SERINC3: variants seen among roughly 807,000 people sequenced by gnomAD.
SERINC3 encodes the protein tumor differentially expressed protein 1.
A neutral mutation model predicts 52.1 loss-of-function variants in SERINC3; 22 were observed. The ratio of observed to expected loss-of-function variants is 0.42; its 90% CI spans 0.30 to 0.60. The LOEUF (loss-of-function observed/expected upper bound fraction) is 0.60. Ranked by LOEUF, SERINC3 falls within the 20% of genes least tolerant of loss-of-function variation. The pLI, the probability that SERINC3 is intolerant of heterozygous loss-of-function variation, is 0.16. For missense variants in SERINC3, 564 were observed against 584.6 expected (o/e 0.96, Z 0.36); for synonymous variants, 226 against 212.7 (o/e 1.06, Z -0.54).
intron 9 of SERINC3, 70 bp downstream of exon 9, chr20:44,501,003 C>A (rs886227296): frequency 3.5e-6 from 4 of 1,136,764 alleles, no homozygotes; most frequent in African/African-American, 1.5e-5. Context: ...GAGGTCAGGA[C>A]AATGGATGAG....
chr20:44,510,067 G>A, intron 4 of SERINC3, 39 bp from the exon 5 acceptor site: 1 of 1,597,528 alleles, frequency 6.3e-7, no homozygotes, highest in East Asian at 2.2e-5. Context: ...CTCTACCATA[G>A]AGTAACATTT....
At position 44,506,954 on chromosome 20, in the gene SERINC3, A is replaced by G; in HGVS notation, c.656T>C (p.Ile219Thr). Reference sequence around the variant, plus strand: ...ATATGTATAGAGCAGCCCGACACAGATGATTGACAGGATATAAAAGGCGCT... The same window carrying G: ...ATATGTATAGAGCAGCCCGACACAGGTGATTGACAGGATATAAAAGGCGCT... Reference protein sequence around the residue: ...FTSAFYILSIICVGLLYTYYT... With the variant: ...FTSAFYILSITCVGLLYTYYT... The change falls in exon 6 of 10, where the codon ATC becomes ACC. Residue 219 changes from isoleucine to threonine, a missense_variant. Transcript: ENST00000342374. 6.2e-7 allele frequency: 1 copy of G among 1,608,024 alleles called. No individual in the cohort carries two copies. Among genetic ancestry groups the G allele is most frequent in the Admixed American group, 1.7e-5 (1 of 58,610 alleles).
Position 44,500,281 on chromosome 20 carries a change from T to C in SERINC3, c.*15A>G. ...ACCTTTGTGAGTTCCAGTGGTGTCC[T>C]TGGCACTCAGAGGTTCAGCTGAAGT... On this transcript the variant is annotated 3_prime_UTR_variant, in exon 10 of 10. Coordinates refer to ENST00000342374, the MANE Select transcript of SERINC3 (RefSeq NM_006811.4). 6.2e-7 allele frequency: 1 copy of C among 1,609,730 alleles called. No individual in the cohort carries two copies. Among genetic ancestry groups the C allele is most frequent in the Non-Finnish European group, 8.5e-7 (1 of 1,177,738 alleles).
At chr20:44,510,641 G>A (rs529020727) in intron 4 of SERINC3, among the ~76,000 whole-genome samples, 33 of 152,104 alleles carry the variant, frequency 2.2e-4, no homozygotes, top group Admixed American at 1.9e-3. Context: ...GTGAAACCCC[G>A]TCTCTGCCTA....
At chr20:44,514,376 G>A (rs1479109677) in intron 1 of SERINC3, among the ~76,000 whole-genome samples, 1 of 152,156 alleles carries the variant, frequency 6.6e-6, no homozygotes, top group African/African-American at 2.4e-5. Context: ...TATTCTGAGA[G>A]CATCATTTGT....
At chr20:44,509,837 T>A in intron 5 of SERINC3, 54 bp downstream of exon 5, 3 of 1,577,506 alleles carry the variant, frequency 1.9e-6, no homozygotes, top group Non-Finnish European at 2.6e-6. Context: ...ATTTTTATTG[T>A]ACACCGTGCT....
Position 44,502,266 on chromosome 20 carries a change from C to A in SERINC3, c.1056-966G>T, listed in dbSNP as rs192688905. 6.6e-5 allele frequency among the ~76,000 whole-genome samples: 10 copies of A among 152,284 alleles called. No homozygotes were observed. The East Asian group carries it at 1.9e-3, about 29-fold the overall frequency. ...CTATTAGAACCAATAAATAAGTTCA[C>A]CAAAGTTGCAGGATACAAGATCAAT... On this transcript the variant is annotated intron_variant, in intron 8 of 9. Transcript: ENST00000342374.
intron 5 of SERINC3, among the ~76,000 whole-genome samples, chr20:44,507,614 T>A (rs1289110366): frequency 6.6e-6 from 1 of 152,260 alleles, no homozygotes; most frequent in Non-Finnish European, 1.5e-5. Context: ...CTCATGCCTG[T>A]AATCCCAGCA....
At chr20:44,521,864 T>C (rs1241102841) in intron 1 of SERINC3, 49 bp downstream of exon 1, 3 of 1,573,692 alleles carry the variant, frequency 1.9e-6, no homozygotes, top group Admixed American at 3.6e-5. Context: ...TCTCGAGGCC[T>C]TTCCCCGCAA....
rs920152663 is a variant in SERINC3 at position 44,499,729 on chromosome 20, A to T, written c.*567T>A. On this transcript the variant is annotated 3_prime_UTR_variant, in exon 10 of 10. Transcript: ENST00000342374. ...AAAAAAGTAAATTAAAAAACTCAAG[A>T]TGTAGAAGCAGTAGCCATATCAGCA... 5 of 152,452 alleles carry T rather than the reference A, an allele frequency of 3.3e-5. No individual in the cohort carries two copies. Among genetic ancestry groups the T allele is most frequent in the African/African-American group, 9.6e-5 (4 of 41,552 alleles). The allele number at this position is 152,452 out of a possible 1,614,324, so 9.4% of individuals were successfully genotyped here.
At chr20:44,514,093 T>C in intron 1 of SERINC3, 53 bp from the exon 2 acceptor site, 1 of 1,539,356 alleles carries the variant, frequency 6.5e-7, no homozygotes, top group Non-Finnish European at 8.8e-7. Flanking sequence ...TACTCCTTTA[T>C]GACACAGATG....
At chr20:44,513,741 G>A (rs112098134) in intron 2 of SERINC3, 138 bp downstream of exon 2, 2 of 639,552 alleles carry the variant, frequency 3.1e-6, no homozygotes, top group African/African-American at 1.9e-5. Context: ...ATATTTCTGT[G>A]TTTTGACCAC....
rs1342810574 is a variant in SERINC3 at position 44,514,035 on chromosome 20, T to C, written c.45A>G (p.Pro15=). Residue 15 remains proline, a synonymous_variant, in exon 2 of 10, where the codon CCA becomes CCG. Transcript: ENST00000342374. ...LGVFSLASWV[P]CLCSGASCLL... ...AACATGAGGCACCGCTGCAGAGGCATGGAACCTGGAATGAGCACACCATGG... is the reference window on the plus strand; with the variant it reads ...AACATGAGGCACCGCTGCAGAGGCACGGAACCTGGAATGAGCACACCATGG... 2 of 1,613,702 alleles carry C rather than the reference T, an allele frequency of 1.2e-6. No individual in the cohort carries two copies. Among genetic ancestry groups the C allele is most frequent in the African/African-American group, 1.3e-5 (1 of 74,886 alleles).
intron 1 of SERINC3, among the ~76,000 whole-genome samples, chr20:44,519,723 C>T (rs2064403648): frequency 6.6e-6 from 1 of 151,730 alleles, no homozygotes; most frequent in Admixed American, 6.6e-5. Context: ...GAGTTCAAGG[C>T]TGCAGTGAGC....
chr20:44,503,601 T>C (rs1439680905), intron 8 of SERINC3, among the ~76,000 whole-genome samples: 3 of 152,152 alleles, frequency 2.0e-5, no homozygotes, highest in African/African-American at 7.2e-5. Flanking sequence ...TGAGCTGAGA[T>C]CCTGCCACTG....
chr20:44,513,652 C>A (rs2064362162), intron 2 of SERINC3, among the ~76,000 whole-genome samples: 1 of 152,028 alleles, frequency 6.6e-6, no homozygotes, highest in African/African-American at 2.4e-5. Flanking sequence ...TTGGAGCCAC[C>A]CTTTTAATGT....
chr20:44,514,520 G>A (rs1283398796), intron 1 of SERINC3, among the ~76,000 whole-genome samples: 14 of 152,206 alleles, frequency 9.2e-5, no homozygotes, highest in African/African-American at 3.1e-4. Context: ...AGCACTTTGG[G>A]AGGCCGAGGC....
Position 44,501,297 on chromosome 20 carries a change from G to T in SERINC3, c.1059C>A (p.Ile353=). 6.2e-7 allele frequency: 1 copy of T among 1,613,766 alleles called. No individual in the cohort carries two copies. Among genetic ancestry groups the T allele is most frequent in the South Asian group, 1.1e-5 (1 of 91,036 alleles). ...VFVLCLLYSS[I]RTSTNSQVDK... is the part of the protein sequence containing the mutation. ...CTACTTGGCTATTAGTGGAAGTGCG[G>T]ATGCTGGAAAGTGATCCCAAGGAAG... Residue 353 remains isoleucine (I), a synonymous_variant, in exon 9 of 10, where the codon ATC becomes ATA. Transcript: ENST00000342374.
At chr20:44,512,497 G>A (rs533474372) in intron 3 of SERINC3, among the ~76,000 whole-genome samples, 17 of 152,260 alleles carry the variant, frequency 1.1e-4, no homozygotes, top group African/African-American at 3.6e-4. Context: ...AAAAAAGTGT[G>A]TGTGTACGTA....
Sources: gnomAD v4.1 joint callset for allele counts (sites outside exome capture counted in the v4.1 genomes callset) on GRCh38, gnomAD v4.1.1 for gene constraint, MANE v1.5 for transcripts, NCBI Gene and HGNC (gene_info 2026-07-23, HGNC 2026-07-21) for gene names.